TAFA1: variants seen among roughly 807,000 people sequenced by gnomAD.
TAFA1 encodes the protein TAFA chemokine like family member 1, also known as chemokine-like protein TAFA-1.
A neutral mutation model predicts 18.5 loss-of-function variants in TAFA1; 4 were observed. The ratio of observed to expected loss-of-function variants is 0.22; its 90% confidence interval spans 0.11 to 0.49. The LOEUF is 0.49. Ranked by LOEUF, TAFA1 falls within the 20% of genes least tolerant of loss-of-function variation. The pLI, the probability that TAFA1 is intolerant of heterozygous loss-of-function variation, is 0.98. For synonymous variants in TAFA1, 56 were observed against 55.2 expected (o/e 1.01, Z -0.06); for missense variants, 147 against 169.0 (o/e 0.87, Z 0.72).
intron 2 of TAFA1, among the ~76,000 whole-genome samples, chr3:68,147,039 G>GTATA (rs71112618): frequency 1.6e-4 from 23 of 148,260 alleles, no homozygotes; most frequent in Non-Finnish European, 2.5e-4. Flanking sequence ...GTGTGTGTGT[G>GTATA]TATATATATA....
intron 2 of TAFA1, among the ~76,000 whole-genome samples, chr3:68,109,789 T>C (rs1333033335): frequency 2.0e-5 from 3 of 152,104 alleles, no homozygotes; most frequent in Non-Finnish European, 4.4e-5. Flanking sequence ...TATTTCAGTA[T>C]GTTTAGAGAG....
At chr3:68,453,925 T>A (rs2071610897) in intron 3 of TAFA1, among the ~76,000 whole-genome samples, 1 of 152,162 alleles carries the variant, frequency 6.6e-6, no homozygotes, top group Admixed American at 6.5e-5. Flanking sequence ...AATCTGAACT[T>A]CACTCTCGGG....
At chr3:68,231,266 C>T (rs966504154) in intron 2 of TAFA1, among the ~76,000 whole-genome samples, 1 of 151,214 alleles carries the variant, frequency 6.6e-6, no homozygotes, top group Non-Finnish European at 1.5e-5. Flanking sequence ...ATTACCAACA[C>T]ATAGCTTACA....
At chr3:68,015,903 T>C (rs1704560708) in intron 2 of TAFA1, among the ~76,000 whole-genome samples, 1 of 152,220 alleles carries the variant, frequency 6.6e-6, no homozygotes, top group Non-Finnish European at 1.5e-5. Flanking sequence ...CTTCCTTAAT[T>C]CAGTATTCTT....
At chr3:68,034,460 C>G (rs1213037136) in intron 2 of TAFA1, among the ~76,000 whole-genome samples, 1 of 152,186 alleles carries the variant, frequency 6.6e-6, no homozygotes, top group Non-Finnish European at 1.5e-5. Flanking sequence ...AGTAGTGTCA[C>G]ACACTTAGCA....
chr3:68,056,904 G>A (rs1294058435), intron 2 of TAFA1, among the ~76,000 whole-genome samples: 1 of 152,156 alleles, frequency 6.6e-6, no homozygotes, highest in Non-Finnish European at 1.5e-5. Flanking sequence ...GGGAAAATTA[G>A]CATTTGTTAC....
chr3:68,090,676 C>T (rs2065019442), intron 2 of TAFA1, among the ~76,000 whole-genome samples: 1 of 152,118 alleles, frequency 6.6e-6, no homozygotes, highest in South Asian at 2.1e-4. Flanking sequence ...ATTATACCTG[C>T]TATTTACTAC....
At chr3:68,363,529 C>G (rs577120567) in intron 2 of TAFA1, among the ~76,000 whole-genome samples, 4 of 152,068 alleles carry the variant, frequency 2.6e-5, no homozygotes, top group Non-Finnish European at 5.9e-5. Flanking sequence ...ATTCAAAGTC[C>G]GAAAGACAAG....
rs2064462967 is a variant in TAFA1, at chr3:68,050,869, A to C, written c.118+44125A>C. On this transcript the variant is annotated intron_variant, in intron 2 of 4. Transcript: ENST00000478136. ...ATGGTTGTGGCTGCTTTCCAGTAAA[A>C]CTTGATTTGCTAAAACAGGTGGTGG... 2.0e-5 allele frequency among the ~76,000 whole-genome samples: 3 copies of C among 152,158 alleles called. No individual in the cohort carries two copies. The South Asian group carries it at 6.2e-4, about 32-fold the overall frequency.
At chr3:68,539,916 T>C (rs1041688676) in intron 4 of TAFA1, among the ~76,000 whole-genome samples, 1 of 152,100 alleles carries the variant, frequency 6.6e-6, no homozygotes, top group South Asian at 2.1e-4. Context: ...TGATCCACCA[T>C]ACCCAGCCTG....
intron 2 of TAFA1, among the ~76,000 whole-genome samples, chr3:68,237,441 A>G (rs1243362198): frequency 6.6e-6 from 1 of 152,208 alleles, no homozygotes; most frequent in East Asian, 1.9e-4. Flanking sequence ...TTCAGACCAT[A>G]GCAATAACAT....
At chr3:68,180,905 T>A (rs2106984621) in intron 2 of TAFA1, among the ~76,000 whole-genome samples, 1 of 152,356 alleles carries the variant, frequency 6.6e-6, no homozygotes, top group African/African-American at 2.4e-5. Flanking sequence ...CGAAGTGATG[T>A]GCCTTCTGAG....
At chr3:68,323,276 C>T (rs777634922) in intron 2 of TAFA1, among the ~76,000 whole-genome samples, 3 of 152,180 alleles carry the variant, frequency 2.0e-5, no homozygotes, top group Non-Finnish European at 4.4e-5. Flanking sequence ...CTGTACAATA[C>T]ATTAGCTGCC....
chr3:68,015,621 A>G (rs1223716568), intron 2 of TAFA1, among the ~76,000 whole-genome samples: 3 of 152,172 alleles, frequency 2.0e-5, no homozygotes, highest in Non-Finnish European at 4.4e-5. Flanking sequence ...GGGAAAAAAC[A>G]GTAATCAGCA....
At chr3:68,377,035 T>C (rs979094737) in intron 2 of TAFA1, among the ~76,000 whole-genome samples, 1 of 152,172 alleles carries the variant, frequency 6.6e-6, no homozygotes, top group African/African-American at 2.4e-5. Context: ...TTCCTGAGGT[T>C]TCCCAAGCCA....
At chr3:68,471,779 C>T (rs564588207) in intron 3 of TAFA1, among the ~76,000 whole-genome samples, 133 of 152,292 alleles carry the variant, frequency 8.7e-4, no homozygotes, top group Non-Finnish European at 1.7e-3. Flanking sequence ...CAATACTTTG[C>T]ATCCTTCAAT....
chr3:68,068,265 C>T (rs954225224), intron 2 of TAFA1, among the ~76,000 whole-genome samples: 6 of 152,118 alleles, frequency 3.9e-5, no homozygotes, highest in East Asian at 1.9e-4. Context: ...AACAAGATTT[C>T]GAAGCTATGG....
chr3:68,301,123 A>T (rs2068296765), intron 2 of TAFA1, among the ~76,000 whole-genome samples: 1 of 152,226 alleles, frequency 6.6e-6, no homozygotes. Flanking sequence ...AAAATATTTA[A>T]TGAAACATTT....
intron 2 of TAFA1, among the ~76,000 whole-genome samples, chr3:68,234,839 G>C (rs1279273293): frequency 5.9e-5 from 9 of 152,168 alleles, no homozygotes; most frequent in African/African-American, 2.2e-4. Context: ...AAGGCAAAGT[G>C]GCAGAGCAGG....
Sources: allele counts gnomAD v4.1 joint callset (sites outside exome capture counted in the v4.1 genomes callset), GRCh38; gene constraint gnomAD v4.1.1; transcripts MANE v1.5; gene names NCBI Gene and HGNC (gene_info 2026-07-23, HGNC 2026-07-21).